The following DNM3 variants were observed in gnomAD, a reference collection of about 807,000 sequenced individuals.
DNM3 encodes the protein dynamin-3.
A neutral mutation model predicts 101.6 loss-of-function variants in DNM3; 47 were observed. That is an observed-to-expected ratio of 0.46 (90% CI 0.37 to 0.59). DNM3 has a LOEUF of 0.59. Ranked by LOEUF, DNM3 falls within the 20% of genes least tolerant of loss-of-function variation. The pLI is 0.00. For synonymous variants in DNM3, 385 were observed against 387.9 expected, an observed-to-expected ratio of 0.99 and a Z score of 0.09; for missense variants, 849 against 1,085.7, an observed-to-expected ratio of 0.78 and a Z score of 3.06.
chr1:172,081,877 C>A lies in DNM3; in HGVS notation c.1468C>A (p.His490Asn). 1 of 1,613,158 alleles carries A rather than the reference C, an allele frequency of 6.2e-7. No individual in the cohort carries two copies. Among genetic ancestry groups the A allele is most frequent in the Non-Finnish European group, 8.5e-7 (1 of 1,179,488 alleles). ...DIQVSYINTN[H>N]EDFIGFANAQ... is the part of the protein sequence containing the mutation. The stretch of plus-strand genomic sequence containing the variant: ...TCAAGTCTCTTACATCAACACCAAC[C>A]ATGAAGACTTCATTGGCTTCGCAAA... Residue 490 changes from histidine (H) to asparagine (N), a missense_variant, in exon 12 of 21, where the codon CAT becomes AAT. His to Asn is a moderately conservative substitution (Grantham distance 68). Coordinates refer to ENST00000627582, the MANE Select transcript of DNM3 (RefSeq NM_015569.5).
At chr1:172,334,120 C>T (rs563882616) in intron 17 of DNM3, among the ~76,000 whole-genome samples, 1 of 152,118 alleles carries the variant, frequency 6.6e-6, no homozygotes, top group Non-Finnish European at 1.5e-5. Context: ...AATTAAGAAA[C>T]CGAAAAAATA....
chr1:172,379,098 C>T lies in DNM3; in HGVS notation c.1974C>T (p.Asn658=). The T allele has an allele frequency of 6.2e-7, 1 of 1,612,352 alleles. No individual in the cohort carries two copies. The highest frequency in any genetic ancestry group is 1.1e-5 in the South Asian group (1 of 90,944). ...QLERQVETIR[N]LVDSYMSIIN... is the part of the protein sequence containing the mutation. ...AGAGGCAAGTGGAGACCATTCGCAA[C>T]CTCGTAGACTCCTACATGTCCATTA... is the stretch of plus-strand genomic sequence containing the variant. The change falls in exon 18 of 21, where the codon AAC becomes AAT. Residue 658 remains asparagine (N), a synonymous_variant. Coordinates refer to ENST00000627582, the MANE Select transcript of DNM3 (RefSeq NM_015569.5).
Position 172,412,615 on chromosome 1 carries a change from G to GA in DNM3, c.*4779dup, listed in dbSNP as rs1376050114. The GA allele has an allele frequency of 3.7e-5, 36 of 985,640 alleles. No individual in the cohort carries two copies. Among genetic ancestry groups the GA allele is most frequent in the African/African-American group, 5.2e-5 (3 of 57,204 alleles). The allele number at this position is 985,640 out of a possible 1,614,324, so 61.1% of individuals were successfully genotyped here. A position where few individuals can be genotyped will look rare whatever the true frequency, so the allele number is the denominator to read the frequency against. On this transcript the variant is annotated 3_prime_UTR_variant, in exon 21 of 21. Transcript: ENST00000627582. Reference sequence around the variant, plus strand: ...GGACTCTTAGAATGGAATTTTTGAAGAAAAATCTCAAAGCCTGTATCGTTC... The same window carrying GA: ...GGACTCTTAGAATGGAATTTTTGAAGAAAAAATCTCAAAGCCTGTATCGTTC...
At chr1:171,885,604 C>T (rs76855461) in intron 1 of DNM3, among the ~76,000 whole-genome samples, 1,541 of 152,190 alleles carry the variant, frequency 0.01, 32 homozygotes, top group African/African-American at 0.035. Context: ...TTTTTTCTGG[C>T]GTTGCCTATC....
At chr1:171,842,118 G>C (rs1363325528) in intron 1 of DNM3, among the ~76,000 whole-genome samples, 1 of 152,046 alleles carries the variant, frequency 6.6e-6, no homozygotes, top group Non-Finnish European at 1.5e-5. Flanking sequence ...GGAGGGGTCC[G>C]CCCCGGGCTC....
intron 13 of DNM3, among the ~76,000 whole-genome samples, chr1:172,122,245 A>G (rs2056366866): frequency 6.6e-6 from 1 of 152,334 alleles, no homozygotes; most frequent in Non-Finnish European, 1.5e-5. Context: ...GATATATATT[A>G]CAATTTTTTC....
At chr1:172,113,642 A>AC (rs1358109287) in intron 13 of DNM3, among the ~76,000 whole-genome samples, 8 of 149,170 alleles carry the variant, frequency 5.4e-5, no homozygotes, top group African/African-American at 2.0e-4. Flanking sequence ...AAAAAAAAAA[A>AC]AACAACTCAG....
intron 12 of DNM3, among the ~76,000 whole-genome samples, chr1:172,091,714 T>C (rs2053922443): frequency 6.6e-6 from 1 of 152,168 alleles, no homozygotes; most frequent in South Asian, 2.1e-4. Context: ...GTTTTTACCA[T>C]TAAATGGAAT....
At chr1:172,340,884 T>G (rs977520525) in intron 17 of DNM3, among the ~76,000 whole-genome samples, 2 of 152,182 alleles carry the variant, frequency 1.3e-5, no homozygotes, top group Non-Finnish European at 2.9e-5. Context: ...TTCTGCTGGT[T>G]TTCAGGGAAG....
At position 172,346,245 on chromosome 1, in the gene DNM3, G is replaced by T. The variant is rs552942843; in HGVS notation, c.1893+22905G>T. On this transcript the variant is annotated intron_variant, in intron 17 of 20. Coordinates refer to ENST00000627582, the MANE Select transcript of DNM3 (RefSeq NM_015569.5). ...ATCAGGAAGAAAGCTATGGAAAAGAGAATGCATCCCAGACAGAGTAACAGT... is the reference window on the plus strand; with the variant it reads ...ATCAGGAAGAAAGCTATGGAAAAGATAATGCATCCCAGACAGAGTAACAGT... Among the ~76,000 whole-genome samples the T allele has an allele frequency of 4.6e-5, 7 of 152,188 alleles. No homozygotes were observed. In the South Asian group the frequency reaches 1.5e-3, roughly 32 times the overall value.
intron 1 of DNM3, among the ~76,000 whole-genome samples, chr1:171,883,029 TA>T (rs1388743800): frequency 6.6e-6 from 1 of 151,690 alleles, no homozygotes; most frequent in Non-Finnish European, 1.5e-5. Context: ...TTAATATGTA[TA>T]AAAATATGGG....
At chr1:172,331,822 A>G (rs961494181) in intron 17 of DNM3, among the ~76,000 whole-genome samples, 4 of 152,214 alleles carry the variant, frequency 2.6e-5, no homozygotes, top group African/African-American at 9.6e-5. Context: ...ATGAGTTCTT[A>G]CAAATTAATA....
intron 15 of DNM3, among the ~76,000 whole-genome samples, chr1:172,262,316 T>C (rs944730030): frequency 1.3e-5 from 2 of 152,166 alleles, no homozygotes; most frequent in South Asian, 2.1e-4. Context: ...TCACTGTCTG[T>C]GGCTCCTGCC....
At chr1:171,926,744 C>T (rs1032177474) in intron 2 of DNM3, among the ~76,000 whole-genome samples, 3 of 151,760 alleles carry the variant, frequency 2.0e-5, no homozygotes, top group Non-Finnish European at 4.4e-5. Flanking sequence ...TGTTTTATCC[C>T]GGGAATGTAA....
At chr1:171,905,629 A>AC (rs2038758709) in intron 1 of DNM3, among the ~76,000 whole-genome samples, 1 of 152,158 alleles carries the variant, frequency 6.6e-6, no homozygotes, top group African/African-American at 2.4e-5. Context: ...TACTTCATGT[A>AC]AGACTAGATT....
Position 171,929,362 on chromosome 1 carries a change from G to A in DNM3, c.235+7541G>A, listed in dbSNP as rs556279685. On this transcript the variant is annotated intron_variant, in intron 2 of 20. Coordinates refer to ENST00000627582, the MANE Select transcript of DNM3 (RefSeq NM_015569.5). ...GGATTGCGGACACATTTTAAAAAGC[G>A]GTCTGGCCATGTTTTTGTAGGACAG... is the stretch of plus-strand genomic sequence containing the variant. Among the ~76,000 whole-genome samples, 30 of 152,308 alleles carry A rather than the reference G, an allele frequency of 2.0e-4. No homozygotes were observed. The South Asian group carries it at 3.7e-3, about 19-fold the overall frequency.
chr1:172,179,879 C>T (rs1024569155), intron 14 of DNM3, among the ~76,000 whole-genome samples: 7 of 151,922 alleles, frequency 4.6e-5, no homozygotes, highest in Admixed American at 1.3e-4. Context: ...ATTAGATTTT[C>T]GCCCATGGCG....
At chr1:172,076,292 T>C (rs186334656) in intron 11 of DNM3, among the ~76,000 whole-genome samples, 1 of 152,332 alleles carries the variant, frequency 6.6e-6, no homozygotes, top group Non-Finnish European at 1.5e-5. Context: ...CTCTTTTTAT[T>C]TGAATATCCT....
At chr1:172,203,769 G>A (rs752762984) in intron 14 of DNM3, among the ~76,000 whole-genome samples, 1 of 152,134 alleles carries the variant, frequency 6.6e-6, no homozygotes, top group Admixed American at 6.5e-5. Context: ...GTTGGTACCA[G>A]ACTAAAATTT....
Sources: allele counts gnomAD v4.1 joint callset (sites outside exome capture counted in the v4.1 genomes callset), GRCh38; gene constraint gnomAD v4.1.1; transcripts MANE v1.5; gene names NCBI Gene and HGNC (gene_info 2026-07-23, HGNC 2026-07-21).